GPC6: variants seen among roughly 807,000 people sequenced by gnomAD.
The protein encoded by GPC6 is glypican 6.
In GPC6, 14 loss-of-function variants were observed where a neutral mutation model predicts 55.2. The ratio of observed to expected loss-of-function variants is 0.25; its 90% confidence interval spans 0.17 to 0.40. GPC6 has a LOEUF of 0.40. GPC6 is among the 10% of genes least tolerant of loss of function. The pLI, the probability that GPC6 is intolerant of heterozygous loss-of-function variation, is 1.00. For missense variants in GPC6, 641 were observed against 708.5 expected (o/e 0.90, Z 1.08); for synonymous variants, 278 against 259.6 (o/e 1.07, Z -0.68).
rs186636066 is a variant in GPC6 at position 93,848,174 on chromosome 13, C to G, written c.711+17629C>G. 3.9e-5 allele frequency among the ~76,000 whole-genome samples: 6 copies of G among 152,172 alleles called. 1 individual carries two copies. The East Asian group carries it at 1.2e-3, about 29-fold the overall frequency. ...AGATTACAAGTATGTCAGAGTATTTCCAACAGAGAGAAAGTTTGTACATAA... is the reference window on the plus strand; with the variant it reads ...AGATTACAAGTATGTCAGAGTATTTGCAACAGAGAGAAAGTTTGTACATAA... On this transcript the variant is annotated intron_variant, in intron 3 of 8. Coordinates refer to ENST00000377047, the MANE Select transcript of GPC6 (RefSeq NM_005708.5).
At chr13:93,547,192 AAAAAT>A (rs768169977) in intron 2 of GPC6, among the ~76,000 whole-genome samples, 15,264 of 143,902 alleles carry the variant, frequency 0.11, 900 homozygotes, top group East Asian at 0.27. Flanking sequence ...AAAAAAAAAA[AAAAAT>A]TAGCTGGGCG....
At chr13:94,090,089 G>GA (rs1885426854) in intron 4 of GPC6, among the ~76,000 whole-genome samples, 2 of 151,238 alleles carry the variant, frequency 1.3e-5, no homozygotes, top group African/African-American at 4.9e-5. Context: ...TAAAGAAAAA[G>GA]GTTTAATGGA....
intron 1 of GPC6, among the ~76,000 whole-genome samples, chr13:93,298,387 G>C (rs1015336720): frequency 1.3e-5 from 2 of 152,076 alleles, no homozygotes; most frequent in Non-Finnish European, 1.5e-5. Flanking sequence ...TTATGGACTG[G>C]AGAAGTCCTT....
rs537775583 is a variant in GPC6, at chr13:93,898,188, C to T, written c.711+67643C>T. Among the ~76,000 whole-genome samples the T allele has an allele frequency of 3.9e-5, 6 of 152,200 alleles. No individual in the cohort carries two copies. The East Asian group carries it at 5.8e-4, about 15-fold the overall frequency. ...ATGGTCATATTAATGGTCCTAATAA[C>T]GATCCAAGTTTGAGTTCAGAGTGTC... On this transcript the variant is annotated intron_variant, in intron 3 of 8. Coordinates refer to ENST00000377047, the MANE Select transcript of GPC6 (RefSeq NM_005708.5).
chr13:94,308,380 T>A (rs1286914061), intron 6 of GPC6, among the ~76,000 whole-genome samples: 1 of 152,224 alleles, frequency 6.6e-6, no homozygotes, highest in Admixed American at 6.5e-5. Flanking sequence ...TTATTGGTAA[T>A]GTTCAAAATG....
At chr13:93,243,719 T>C (rs1349380905) in intron 1 of GPC6, among the ~76,000 whole-genome samples, 1 of 152,310 alleles carries the variant, frequency 6.6e-6, no homozygotes, top group East Asian at 1.9e-4. Context: ...GTGAGCGGGC[T>C]CAAGTCCTCC....
chr13:94,097,311 G>A (rs1326422272), intron 4 of GPC6, among the ~76,000 whole-genome samples: 1 of 151,906 alleles, frequency 6.6e-6, no homozygotes, highest in Non-Finnish European at 1.5e-5. Context: ...GACCATCCTG[G>A]CTAACACGGT....
At chr13:94,400,498 C>T (rs1566761163) in intron 8 of GPC6, among the ~76,000 whole-genome samples, 2 of 152,104 alleles carry the variant, frequency 1.3e-5, no homozygotes, top group African/African-American at 4.8e-5. Flanking sequence ...AGGAATTTTC[C>T]CCCTTGTAAA....
Position 93,481,655 on chromosome 13 carries a change from T to C in GPC6, c.161-63608T>C, listed in dbSNP as rs539776931. On this transcript the variant is annotated intron_variant, in intron 1 of 8. Coordinates refer to ENST00000377047, the MANE Select transcript of GPC6 (RefSeq NM_005708.5). Reference sequence around the variant, plus strand: ...TCCAGCTTCATTTTTTTTTTGTACGTAGATACTCAGTTGTGGCAGAATCAT... The same window carrying C: ...TCCAGCTTCATTTTTTTTTTGTACGCAGATACTCAGTTGTGGCAGAATCAT... 6.6e-5 allele frequency among the ~76,000 whole-genome samples: 10 copies of C among 152,018 alleles called. No homozygotes were observed. The East Asian group carries it at 7.8e-4, about 12-fold the overall frequency.
intron 1 of GPC6, among the ~76,000 whole-genome samples, chr13:93,254,514 A>G (rs2139032614): frequency 6.6e-6 from 1 of 152,340 alleles, no homozygotes; most frequent in Middle Eastern, 3.4e-3. Flanking sequence ...TTTCTTAGGT[A>G]GATGGTGCAA....
At chr13:94,315,185 A>G (rs1239313939) in intron 6 of GPC6, among the ~76,000 whole-genome samples, 1 of 152,194 alleles carries the variant, frequency 6.6e-6, no homozygotes, top group Non-Finnish European at 1.5e-5. Flanking sequence ...GCTCCATTAT[A>G]TTGCTTACTA....
intron 2 of GPC6, among the ~76,000 whole-genome samples, chr13:93,828,003 A>T (rs1048842415): frequency 1.4e-5 from 2 of 147,246 alleles, no homozygotes; most frequent in Non-Finnish European, 3.0e-5. Flanking sequence ...AGTATCAGAG[A>T]ATTTTTTTTT....
At chr13:93,363,979 A>G (rs28688093) in intron 1 of GPC6, among the ~76,000 whole-genome samples, 11,176 of 150,866 alleles carry the variant, frequency 0.074, 488 homozygotes, top group East Asian at 0.12. Context: ...TTTTGATGGG[A>G]TTGTTTGTTT....
chr13:94,274,666 A>G (rs1258120192), intron 4 of GPC6, among the ~76,000 whole-genome samples: 1 of 152,142 alleles, frequency 6.6e-6, no homozygotes, highest in Non-Finnish European at 1.5e-5. Context: ...CATCACAGAG[A>G]TTGTCTTGAA....
chr13:93,430,083 T>TA (rs1482144804), intron 1 of GPC6, among the ~76,000 whole-genome samples: 6 of 152,138 alleles, frequency 3.9e-5, no homozygotes, highest in Non-Finnish European at 7.4e-5. Flanking sequence ...CTATAGTACT[T>TA]AGACTGTATG....
At chr13:93,934,113 TTG>T (rs912244446) in intron 3 of GPC6, among the ~76,000 whole-genome samples, 3 of 151,676 alleles carry the variant, frequency 2.0e-5, no homozygotes, top group South Asian at 4.2e-4. Flanking sequence ...TGAGATGTAT[TTG>T]TGTGTGTGTG....
rs146715412 is a variant in GPC6, at chr13:93,369,486, T to C, written c.160+141870T>C. On this transcript the variant is annotated intron_variant, in intron 1 of 8. Coordinates refer to ENST00000377047, the MANE Select transcript of GPC6 (RefSeq NM_005708.5). ...ACTTTTCTGTTGTGACTTACATTGT[T>C]TTATTGCTTTTCAAAAGCAAAGAAA... 3.8e-3 allele frequency among the ~76,000 whole-genome samples: 580 copies of C among 152,258 alleles called. 4 individuals are homozygous for C. The highest frequency in any genetic ancestry group is 0.013 in the African/African-American group (546 of 41,568).
intron 3 of GPC6, among the ~76,000 whole-genome samples, chr13:93,977,096 T>C (rs1880555164): frequency 6.6e-6 from 1 of 152,152 alleles, no homozygotes; most frequent in Non-Finnish European, 1.5e-5. Context: ...TGGATTTCAA[T>C]AGAGCTAAGT....
At chr13:93,462,725 G>A (rs912001694) in intron 1 of GPC6, among the ~76,000 whole-genome samples, 1 of 151,624 alleles carries the variant, frequency 6.6e-6, no homozygotes, top group Admixed American at 6.6e-5. Flanking sequence ...AAACATTATA[G>A]TAAAGAGGTC....
Sources: allele counts gnomAD v4.1 joint callset (sites outside exome capture counted in the v4.1 genomes callset), GRCh38; gene constraint gnomAD v4.1.1; transcripts MANE v1.5; gene names NCBI Gene and HGNC (gene_info 2026-07-23, HGNC 2026-07-21).